Variants in SLC24A5 observed in about 807,000 individuals in gnomAD.
SLC24A5 encodes solute carrier family 24 member 5.
A neutral mutation model predicts 51.6 loss-of-function variants in SLC24A5; 46 were observed. That is an observed-to-expected ratio of 0.89 (90% CI 0.70 to 1.14). The LOEUF (loss-of-function observed/expected upper bound fraction) is 1.14, where lower values mean the gene tolerates loss of function less well. SLC24A5 is among the 50% of genes most tolerant of loss of function. The pLI is 0.00. For synonymous variants in SLC24A5, 230 were observed against 214.9 expected (o/e 1.07, Z -0.62); for missense variants, 581 against 604.1 (o/e 0.96, Z 0.40).
At chr15:48,134,831 T>C (rs2038856746) in intron 4 of SLC24A5, 53 bp from the exon 5 acceptor site, 20 of 1,325,840 alleles carry the variant, frequency 1.5e-5, no homozygotes, top group Non-Finnish European at 2.0e-5. Context: ...ATACTAAGGA[T>C]TGTACTTGAA....
At chr15:48,134,815 A>G in intron 4 of SLC24A5, 69 bp from the exon 5 acceptor site, 2 of 1,167,206 alleles carry the variant, frequency 1.7e-6, no homozygotes, top group African/African-American at 3.1e-5. Flanking sequence ...AAACAATTTT[A>G]GTATTATACT....
Position 48,121,982 on chromosome 15 carries a change from A to G in SLC24A5, c.247A>G (p.Ile83Val), listed in dbSNP as rs766914105. 6.2e-7 allele frequency: 1 copy of G among 1,614,174 alleles called. No homozygotes were observed. The highest frequency in any genetic ancestry group is 8.5e-7 in the Non-Finnish European group (1 of 1,180,008). The change falls in exon 2 of 9, where the codon ATA becomes GTA. Residue 83 changes from isoleucine to valine, a missense_variant. Physicochemically the swap from Ile to Val is conservative, Grantham distance 29. Transcript: ENST00000341459. Reference sequence around the variant, plus strand: ...AATTATCGTTTACATGTTCATGGCCATATCTATTGTCTGTGATGAATACTT... The same window carrying G: ...AATTATCGTTTACATGTTCATGGCCGTATCTATTGTCTGTGATGAATACTT... ...FLIIVYMFMA[I>V]SIVCDEYFLP...
Position 48,134,462 on chromosome 15 carries a change from G to A in SLC24A5, c.413G>A (p.Gly138Asp), listed in dbSNP as rs992991572. ...GTATTTATCACAAAGGGAGATATTG[G>A]CATTAGCACCATCCTTGGATCTGCA... ...LGVFITKGDI[G>D]ISTILGSAIY... is the part of the protein sequence containing the mutation. The change falls in exon 4 of 9, where the codon GGC (glycine) becomes GAC (aspartate). Residue 138 changes from glycine (G) to aspartate (D), a missense_variant. Gly to Asp is a moderately conservative substitution (Grantham distance 94). Coordinates refer to ENST00000341459, the MANE Select transcript of SLC24A5 (RefSeq NM_205850.3). The A allele has an allele frequency of 6.2e-7, 1 of 1,613,450 alleles. No homozygotes were observed. The highest frequency in any genetic ancestry group is 1.7e-5 in the Admixed American group (1 of 59,986).
chr15:48,129,744 T>G (rs749619839), intron 2 of SLC24A5, among the ~76,000 whole-genome samples: 4 of 151,910 alleles, frequency 2.6e-5, no homozygotes, highest in Non-Finnish European at 5.9e-5. Context: ...TAAAAGAAAT[T>G]TAATTAAAAA....
rs2038682286 is a variant in SLC24A5, at chr15:48,121,855, A to G, written c.122-2A>G. ...AAACTTTCACCTCCTTTTCCTTAAC[A>G]GGAAATAGCACCCAATGTGTTATTT... On this transcript the variant is annotated splice_acceptor_variant, in intron 1 of 8. Coordinates refer to ENST00000341459, the MANE Select transcript of SLC24A5 (RefSeq NM_205850.3). LOFTEE classifies it high-confidence loss of function. 3 of 1,613,928 alleles carry G rather than the reference A, an allele frequency of 1.9e-6. No homozygotes were observed. Among genetic ancestry groups the G allele is most frequent in the Non-Finnish European group, 2.5e-6 (3 of 1,179,898 alleles).
At chr15:48,133,391 G>A (rs2038817954) in intron 2 of SLC24A5, among the ~76,000 whole-genome samples, 1 of 151,984 alleles carries the variant, frequency 6.6e-6, no homozygotes, top group African/African-American at 2.4e-5. Context: ...TCCTTCCCAT[G>A]GTAGGTCCCT....
At chr15:48,129,572 A>G (rs2140716944) in intron 2 of SLC24A5, among the ~76,000 whole-genome samples, 1 of 152,232 alleles carries the variant, frequency 6.6e-6, no homozygotes, top group South Asian at 2.1e-4. Flanking sequence ...AATTGCATAT[A>G]GCCTATGGCT....
chr15:48,121,866 C>A lies in SLC24A5; in HGVS notation c.131C>A (p.Thr44Asn). The change falls in exon 2 of 9, where the codon ACC (threonine) becomes AAC (asparagine). Residue 44 changes from threonine (T) to asparagine (N), a missense_variant. Coordinates refer to ENST00000341459, the MANE Select transcript of SLC24A5 (RefSeq NM_205850.3). ...QRLPRATGNS[T>N]QCVISPSSEF... ...TCCTTTTCCTTAACAGGAAATAGCA[C>A]CCAATGTGTTATTTCTCCATCATCG... The A allele has an allele frequency of 1.9e-6, 3 of 1,614,144 alleles. No individual in the cohort carries two copies. Among genetic ancestry groups the A allele is most frequent in the Non-Finnish European group, 1.7e-6 (2 of 1,179,996 alleles).
chr15:48,127,685 G>A (rs1441796251), intron 2 of SLC24A5, among the ~76,000 whole-genome samples: 1 of 152,052 alleles, frequency 6.6e-6, no homozygotes, highest in East Asian at 1.9e-4. Flanking sequence ...AGTCGTGGTG[G>A]CAGGCACCTG....
At chr15:48,141,898 T>C (rs1200458968) in intron 8 of SLC24A5, 131 bp from the exon 9 acceptor site, 1 of 618,120 alleles carries the variant, frequency 1.6e-6, no homozygotes, top group Non-Finnish European at 2.7e-6. Flanking sequence ...TCAGTAAGAC[T>C]TTTGCTCTAA....
Position 48,139,006 on chromosome 15 carries a change from A to C in SLC24A5, c.909A>C (p.Leu303Phe). ...TTTTCAACATGCCTGAAGCAGACTT[A>C]AAAAGAATTTTTTGGGTATTATCCC... ...PSVFNMPEAD[L>F]KRIFWVLSLP... Residue 303 changes from leucine to phenylalanine, a missense_variant, in exon 7 of 9, where the codon TTA becomes TTC. By Grantham distance (22) the Leu-to-Phe change is conservative (BLOSUM62 0). Transcript: ENST00000341459. The C allele has an allele frequency of 6.2e-7, 1 of 1,612,992 alleles. No individual in the cohort carries two copies. Among genetic ancestry groups the C allele is most frequent in the Non-Finnish European group, 8.5e-7 (1 of 1,179,254 alleles).
chr15:48,123,376 C>T (rs2140705956), intron 2 of SLC24A5: 1 of 152,064 alleles, frequency 6.6e-6, no homozygotes, highest in East Asian at 1.9e-4. Context: ...TACACAGTTA[C>T]CATTTGGTAT....
intron 2 of SLC24A5, chr15:48,124,164 T>G (rs1229214441): frequency 1.3e-5 from 2 of 152,138 alleles, no homozygotes; most frequent in Non-Finnish European, 2.9e-5. Context: ...TTCTTTATGG[T>G]TCTCCTTTTG....
At chr15:48,133,423 A>G (rs1020380220) in intron 2 of SLC24A5, among the ~76,000 whole-genome samples, 14 of 152,102 alleles carry the variant, frequency 9.2e-5, no homozygotes, top group Non-Finnish European at 2.1e-4. Context: ...TTGAAAGGAC[A>G]AAAAACTTCT....
intron 2 of SLC24A5, chr15:48,122,357 C>A: frequency 2.3e-6 from 1 of 443,580 alleles, no homozygotes; most frequent in African/African-American, 2.0e-5. Context: ...TTTGTGTGCG[C>A]TCCTAATACA....
At chr15:48,125,228 T>C (rs2038719033) in intron 2 of SLC24A5, among the ~76,000 whole-genome samples, 1 of 150,848 alleles carries the variant, frequency 6.6e-6, no homozygotes, top group South Asian at 2.1e-4. Context: ...TTACTTATGA[T>C]AAAATTATAG....
At chr15:48,125,765 C>A (rs1048127991) in intron 2 of SLC24A5, among the ~76,000 whole-genome samples, 1 of 152,130 alleles carries the variant, frequency 6.6e-6, no homozygotes, top group African/African-American at 2.4e-5. Context: ...AACATTTTGT[C>A]CAAGATCATG....
chr15:48,122,170 C>G lies in SLC24A5; in HGVS notation c.301+134C>G. Reference sequence around the variant, plus strand: ...GAGCACCAGCTTCTTGTTGTGGGGTCCCGTGTCTTAAGGAACTGGTCGAGT... The same window carrying G: ...GAGCACCAGCTTCTTGTTGTGGGGTGCCGTGTCTTAAGGAACTGGTCGAGT... On this transcript the variant is annotated intron_variant, in intron 2 of 8. Coordinates refer to ENST00000341459, the MANE Select transcript of SLC24A5 (RefSeq NM_205850.3). The G allele has an allele frequency of 1.5e-5, 14 of 921,232 alleles. 1 individual carries two copies. In the South Asian group the frequency reaches 1.9e-4, roughly 12 times the overall value. The allele number at this position is 921,232 out of a possible 1,614,324, so 57.1% of individuals were successfully genotyped here. A position where few individuals can be genotyped will look rare whatever the true frequency, so the allele number is the denominator to read the frequency against.
At chr15:48,134,805 A>G (rs1046964367) in intron 4 of SLC24A5, 79 bp from the exon 5 acceptor site, 3 of 1,121,410 alleles carry the variant, frequency 2.7e-6, no homozygotes, top group African/African-American at 1.6e-5. Flanking sequence ...ACAAATATAT[A>G]AACAATTTTA....
Sources: gnomAD v4.1 joint callset for allele counts (sites outside exome capture counted in the v4.1 genomes callset) on GRCh38, gnomAD v4.1.1 for gene constraint, MANE v1.5 for transcripts, NCBI Gene and HGNC (gene_info 2026-07-23, HGNC 2026-07-21) for gene names.